Variants in NOS1AP observed in about 807,000 individuals in gnomAD.
The protein encoded by NOS1AP is carboxyl-terminal PDZ ligand of neuronal nitric oxide synthase protein.
In NOS1AP, 21 loss-of-function variants were observed where a neutral mutation model predicts 56.2. That is an observed-to-expected ratio of 0.37 (90% CI 0.26 to 0.54). The LOEUF is 0.54. Ranked by LOEUF, NOS1AP falls within the 20% of genes least tolerant of loss-of-function variation. The probability of loss-of-function intolerance (pLI) is 0.84; values close to 1 mark genes in which losing one functional copy is unlikely to be tolerated. For missense variants in NOS1AP, 522 were observed against 657.8 expected (o/e 0.79, Z 2.26); for synonymous variants, 270 against 274.6 (o/e 0.98, Z 0.17).
chr1:162,084,757 A>G (rs1250364886), intron 1 of NOS1AP, among the ~76,000 whole-genome samples: 1 of 151,804 alleles, frequency 6.6e-6, no homozygotes, highest in Non-Finnish European at 1.5e-5. Context: ...TGGCTCACTG[A>G]TGAAGCCTCA....
intron 1 of NOS1AP, among the ~76,000 whole-genome samples, chr1:162,152,769 T>C (rs1191751914): frequency 6.6e-6 from 1 of 152,228 alleles, no homozygotes; most frequent in Admixed American, 6.5e-5. Context: ...ATTTAGTTTT[T>C]GAAACCCTCC....
intron 1 of NOS1AP, among the ~76,000 whole-genome samples, chr1:162,131,146 G>A (rs1488276806): frequency 1.3e-5 from 2 of 152,038 alleles, no homozygotes; most frequent in Non-Finnish European, 2.9e-5. Context: ...ATATTTGATC[G>A]AATGTTTGAA....
intron 1 of NOS1AP, among the ~76,000 whole-genome samples, chr1:162,116,344 C>A (rs1427653146): frequency 6.6e-6 from 1 of 152,166 alleles, no homozygotes; most frequent in South Asian, 2.1e-4. Context: ...AGTAAATTTG[C>A]GTGGACAGCT....
At chr1:162,207,370 G>A (rs1252501418) in intron 2 of NOS1AP, among the ~76,000 whole-genome samples, 1 of 152,242 alleles carries the variant, frequency 6.6e-6, no homozygotes, top group African/African-American at 2.4e-5. Context: ...GTGTGTAAGA[G>A]CCCTGAGGGG....
chr1:162,217,856 G>C (rs1652635017), intron 2 of NOS1AP, among the ~76,000 whole-genome samples: 1 of 152,138 alleles, frequency 6.6e-6, no homozygotes, highest in African/African-American at 2.4e-5. Context: ...CATGCTAATT[G>C]CTGGATGGTT....
At chr1:162,339,663 T>C (rs1405163203) in intron 5 of NOS1AP, among the ~76,000 whole-genome samples, 1 of 152,230 alleles carries the variant, frequency 6.6e-6, no homozygotes, top group Non-Finnish European at 1.5e-5. Context: ...GAGTTCTCCC[T>C]CTTGGGTGCA....
At chr1:162,243,396 C>T (rs918742825) in intron 2 of NOS1AP, among the ~76,000 whole-genome samples, 4 of 152,052 alleles carry the variant, frequency 2.6e-5, no homozygotes, top group African/African-American at 9.7e-5. Flanking sequence ...ATTCTGTGTC[C>T]TCGCTTTCCC....
At chr1:162,251,733 G>C (rs1307736187) in intron 2 of NOS1AP, among the ~76,000 whole-genome samples, 1 of 151,508 alleles carries the variant, frequency 6.6e-6, no homozygotes, top group Non-Finnish European at 1.5e-5. Context: ...TGTCACCCAG[G>C]CTGGAGTGCA....
chr1:162,106,617 C>G (rs2102036460), intron 1 of NOS1AP, among the ~76,000 whole-genome samples: 1 of 152,196 alleles, frequency 6.6e-6, no homozygotes, highest in African/African-American at 2.4e-5. Context: ...GAATTATTGC[C>G]ACAAATGGCT....
At chr1:162,220,627 T>G (rs1553196550) in intron 2 of NOS1AP, among the ~76,000 whole-genome samples, 1 of 152,226 alleles carries the variant, frequency 6.6e-6, no homozygotes, top group Non-Finnish European at 1.5e-5. Context: ...TTTTGTCAGA[T>G]GGATGCTTTA....
chr1:162,357,125 G>T lies in NOS1AP; in HGVS notation c.928G>T (p.Ala310Ser), dbSNP rs559078474. The T allele has an allele frequency of 2.5e-6, 4 of 1,607,314 alleles. No individual in the cohort carries two copies. Among genetic ancestry groups the T allele is most frequent in the Non-Finnish European group, 3.4e-6 (4 of 1,179,800 alleles). Reference sequence around the variant, plus strand: ...GCAGCAGCAGCAGCAGACACAAGTGGCTGTGGCCCAGGTTCTCCTCAGCCT... The same window carrying T: ...GCAGCAGCAGCAGCAGACACAAGTGTCTGTGGCCCAGGTTCTCCTCAGCCT... Reference protein sequence around the residue: ...LQQQQQQTQVAVAQVHLLKDQ... With the variant: ...LQQQQQQTQVSVAQVHLLKDQ... The change falls in exon 8 of 10, where the codon GCT (alanine) becomes TCT (serine). Residue 310 changes from alanine to serine, a missense_variant. Ala to Ser is a moderately conservative substitution (Grantham distance 99, BLOSUM62 1). Coordinates refer to ENST00000361897, the MANE Select transcript of NOS1AP (RefSeq NM_014697.3).
chr1:162,219,212 T>G (rs778757766), intron 2 of NOS1AP, among the ~76,000 whole-genome samples: 2 of 152,218 alleles, frequency 1.3e-5, no homozygotes, highest in Non-Finnish European at 2.9e-5. Context: ...TGGGTGGTTG[T>G]GATCGATGAC....
chr1:162,155,253 TAC>T (rs1263622710), intron 2 of NOS1AP, among the ~76,000 whole-genome samples: 12 of 145,930 alleles, frequency 8.2e-5, no homozygotes, highest in East Asian at 8.1e-4. Context: ...CATATACACA[TAC>T]ATATATATAT....
intron 3 of NOS1AP, among the ~76,000 whole-genome samples, chr1:162,291,056 C>T (rs1438523088): frequency 1.3e-5 from 2 of 151,956 alleles, no homozygotes; most frequent in African/African-American, 4.8e-5. Flanking sequence ...AAAGACAGCC[C>T]CTGGAGTCTG....
At position 162,143,600 on chromosome 1, in the gene NOS1AP, G is replaced by A. The variant is rs370557672; in HGVS notation, c.106-10805G>A. ...CTCCTGATTAGCTGGCACTACAAGC[G>A]TGTACCACCACACCTGGCTAAATTT... On this transcript the variant is annotated intron_variant, in intron 1 of 9. Coordinates refer to ENST00000361897, the MANE Select transcript of NOS1AP (RefSeq NM_014697.3). Among the ~76,000 whole-genome samples, 31 of 152,206 alleles carry A rather than the reference G, an allele frequency of 2.0e-4. 2 individuals carry two copies. Among genetic ancestry groups the A allele is most frequent in the African/African-American group, 6.5e-4 (27 of 41,532 alleles).
chr1:162,308,092 A>G (rs1655899993), intron 4 of NOS1AP, among the ~76,000 whole-genome samples: 1 of 152,246 alleles, frequency 6.6e-6, no homozygotes, highest in Non-Finnish European at 1.5e-5. Context: ...ATAAAAGAGT[A>G]CCTACAAAGT....
At chr1:162,242,979 A>G (rs776169693) in intron 2 of NOS1AP, among the ~76,000 whole-genome samples, 5 of 142,882 alleles carry the variant, frequency 3.5e-5, no homozygotes, top group Admixed American at 7.2e-5. Flanking sequence ...CTCCTCCCCT[A>G]TATACGCATA....
At chr1:162,268,238 A>T (rs992052838) in intron 2 of NOS1AP, among the ~76,000 whole-genome samples, 1 of 151,718 alleles carries the variant, frequency 6.6e-6, no homozygotes, top group Non-Finnish European at 1.5e-5. Flanking sequence ...TGAGTGACAC[A>T]GCAAGATTCT....
intron 1 of NOS1AP, among the ~76,000 whole-genome samples, chr1:162,102,836 AT>A (rs1333785219): frequency 6.6e-6 from 1 of 151,732 alleles, no homozygotes. Flanking sequence ...TTTCTTCTTT[AT>A]TAGTCTGGCT....
Sources: gnomAD v4.1 joint callset for allele counts (sites outside exome capture counted in the v4.1 genomes callset) on GRCh38, gnomAD v4.1.1 for gene constraint, MANE v1.5 for transcripts, NCBI Gene and HGNC (gene_info 2026-07-23, HGNC 2026-07-21) for gene names.